Variants in PCDHGA5 observed in about 807,000 individuals in gnomAD.
PCDHGA5 encodes the protein protocadherin gamma subfamily A, 5.
PCDHGA5 carries 36 observed loss-of-function variants against 56.7 expected under a neutral mutation model. The observed-to-expected ratio is 0.64, with a 90% confidence interval of 0.49 to 0.84. The LOEUF is 0.84. PCDHGA5 is among the 40% of genes least tolerant of loss of function. PCDHGA5 has a pLI of 0.00. For synonymous variants in PCDHGA5, 563 were observed against 520.2 expected (o/e 1.08, Z -1.12); for missense variants, 1,305 against 1,201.5 (o/e 1.09, Z -1.27).
chr5:141,428,001 T>C (rs149531447), intron 1 of PCDHGA5: 1 of 1,601,704 alleles, frequency 6.2e-7, no homozygotes, highest in Admixed American at 1.7e-5. Flanking sequence ...CTCCGCACTC[T>C]TCGATATAGT....
rs1317308437 is a variant in PCDHGA5, at chr5:141,418,492, A to G, written c.2421+51741A>G. The G allele has an allele frequency of 1.9e-6, 3 of 1,613,886 alleles. No homozygotes were observed. The African/African-American group carries it at 4.0e-5, about 22-fold the overall frequency. On this transcript the variant is annotated intron_variant, in intron 1 of 3. Coordinates refer to ENST00000518069, the MANE Select transcript of PCDHGA5 (RefSeq NM_018918.3). ...AAACGCAGAGCGCTCACCACTTGGT[A>G]CTGACCGCCTTAGATGGTGGGGACC... is the stretch of plus-strand genomic sequence containing the variant.
In PCDHGA5 at chr5:141,434,915, T is replaced by A. The variant is rs1301814716; in HGVS notation, c.2422-59892T>A. Among the ~76,000 whole-genome samples, 3 of 151,830 alleles carry A rather than the reference T, an allele frequency of 2.0e-5. No homozygotes were observed. The East Asian group carries it at 5.8e-4, about 29-fold the overall frequency. ...GTCCCCTTCCCTCATACCTTATTTATGTACATATATTTTATATAATAGATA... is the reference window on the plus strand; with the variant it reads ...GTCCCCTTCCCTCATACCTTATTTAAGTACATATATTTTATATAATAGATA... On this transcript the variant is annotated intron_variant, in intron 1 of 3. Transcript: ENST00000518069.
At chr5:141,394,243 A>G (rs2092952699) in intron 1 of PCDHGA5, 2 of 1,613,844 alleles carry the variant, frequency 1.2e-6, no homozygotes, top group East Asian at 4.5e-5. Context: ...TTGACTGCAC[A>G]CGACCCCGAC....
At chr5:141,467,060 T>C (rs1304506319) in intron 1 of PCDHGA5, among the ~76,000 whole-genome samples, 1 of 151,520 alleles carries the variant, frequency 6.6e-6, no homozygotes, top group Non-Finnish European at 1.5e-5. Context: ...GTTTTCTTTT[T>C]TTTTTTTTTT....
rs1464357405 is a variant in PCDHGA5 at position 141,476,385 on chromosome 5, A to G, written c.2422-18422A>G. On this transcript the variant is annotated intron_variant, in intron 1 of 3. Coordinates refer to ENST00000518069, the MANE Select transcript of PCDHGA5 (RefSeq NM_018918.3). The surrounding 1 kb of genome is among the most constrained non-coding windows in gnomAD (Gnocchi z 7.6). ...GAGACCGGAGAGATGTTTGTGAACG[A>G]CCGTCTGGATCGAGAGGAGCTGTGT... The G allele has an allele frequency of 4.3e-6, 7 of 1,614,062 alleles. No homozygotes were observed. The highest frequency in any genetic ancestry group is 5.9e-6 in the Non-Finnish European group (7 of 1,180,020).
intron 1 of PCDHGA5, chr5:141,421,806 A>G: frequency 6.2e-7 from 1 of 1,613,842 alleles, no homozygotes; most frequent in Non-Finnish European, 8.5e-7. Context: ...CCAAGAATCC[A>G]GAGCTAGTAC....
chr5:141,371,769 G>C lies in PCDHGA5; in HGVS notation c.2421+5018G>C, dbSNP rs755229487. Reference sequence around the variant, plus strand: ...CGTTTTCCACCAGGCCTCCTACACCGTGCATGTAGCTGAGAACAATCCGCC... The same window carrying C: ...CGTTTTCCACCAGGCCTCCTACACCCTGCATGTAGCTGAGAACAATCCGCC... On this transcript the variant is annotated intron_variant, in intron 1 of 3. Transcript: ENST00000518069. 43 of 1,613,880 alleles carry C rather than the reference G, an allele frequency of 2.7e-5. No individual in the cohort carries two copies. Among genetic ancestry groups the C allele is most frequent in the Admixed American group, 6.7e-5 (4 of 60,016 alleles).
Position 141,476,676 on chromosome 5 carries a change from G to T in PCDHGA5, c.2422-18131G>T. 1.2e-6 allele frequency: 2 copies of T among 1,614,222 alleles called. No individual in the cohort carries two copies. The highest frequency in any genetic ancestry group is 1.7e-6 in the Non-Finnish European group (2 of 1,180,054). ...TACTTTGCGCTTCGCGTGCAGACGC[G>T]GGAGGACAGCACCAAGTACGCGGAG... On this transcript the variant is annotated intron_variant, in intron 1 of 3. Transcript: ENST00000518069. The surrounding 1 kb of genome is among the most constrained non-coding windows in gnomAD (Gnocchi z 7.6).
chr5:141,395,162 G>C, intron 1 of PCDHGA5: 1 of 1,614,148 alleles, frequency 6.2e-7, no homozygotes, highest in Non-Finnish European at 8.5e-7. Flanking sequence ...TCAGTCAGGA[G>C]GGCTGTGAGA....
intron 1 of PCDHGA5, among the ~76,000 whole-genome samples, chr5:141,458,436 C>T (rs2098945707): frequency 6.6e-6 from 1 of 152,056 alleles, no homozygotes; most frequent in Non-Finnish European, 1.5e-5. Context: ...AAGAGGAGGT[C>T]CCCCACATTA....
intron 1 of PCDHGA5, chr5:141,376,224 T>A: frequency 6.2e-7 from 1 of 1,614,156 alleles, no homozygotes; most frequent in Admixed American, 1.7e-5. Flanking sequence ...CTGCTGGCGC[T>A]CAGACTGCAG....
intron 1 of PCDHGA5, among the ~76,000 whole-genome samples, chr5:141,438,587 CATACATATATATATATATATATATATAT>C (rs1267620600): frequency 1.4e-5 from 1 of 73,428 alleles, no homozygotes; most frequent in Non-Finnish European, 2.6e-5. Context: ...TACATACATA[CATACATATATATATATATATATATATAT>C]ATATATATAT....
chr5:141,389,607 A>G, intron 1 of PCDHGA5: 1 of 1,613,070 alleles, frequency 6.2e-7, no homozygotes, highest in Non-Finnish European at 8.5e-7. Context: ...GCTCTTCGAT[A>G]TGGTGCCGCA....
At position 141,485,632 on chromosome 5, in the gene PCDHGA5, G is replaced by C; in HGVS notation, c.2422-9175G>C. 6.2e-7 allele frequency: 1 copy of C among 1,611,766 alleles called. No individual in the cohort carries two copies. The highest frequency in any genetic ancestry group is 8.5e-7 in the Non-Finnish European group (1 of 1,178,342). ...CAGCTCCTCCAGGACAGCGTTTCCC[G>C]TTGGAAAAGGCTCAGGATGCAGATG... is the stretch of plus-strand genomic sequence containing the variant. On this transcript the variant is annotated intron_variant, in intron 1 of 3. Coordinates refer to ENST00000518069, the MANE Select transcript of PCDHGA5 (RefSeq NM_018918.3). This position sits in a 1 kb window ranked among gnomAD's most constrained non-coding sequence, Gnocchi z 5.7.
At chr5:141,372,766 A>G in intron 1 of PCDHGA5, 1 of 1,611,952 alleles carries the variant, frequency 6.2e-7, no homozygotes, top group Non-Finnish European at 8.5e-7. Flanking sequence ...TTTGAAAGTA[A>G]TGACAATCCA....
intron 1 of PCDHGA5, chr5:141,400,276 C>T: frequency 6.2e-7 from 1 of 1,614,048 alleles, no homozygotes; most frequent in Non-Finnish European, 8.5e-7. Flanking sequence ...CTCCTCCAGC[C>T]CTGCCGCCTG....
At chr5:141,408,076 A>C in intron 1 of PCDHGA5, 1 of 1,399,800 alleles carries the variant, frequency 7.1e-7, no homozygotes. Flanking sequence ...GACCTTTCCC[A>C]GCACAGCGGA....
chr5:141,486,617 C>A lies in PCDHGA5; in HGVS notation c.2422-8190C>A. On this transcript the variant is annotated intron_variant, in intron 1 of 3. Coordinates refer to ENST00000518069, the MANE Select transcript of PCDHGA5 (RefSeq NM_018918.3). The surrounding 1 kb of genome is among the most constrained non-coding windows in gnomAD (Gnocchi z 5.0). The stretch of plus-strand genomic sequence containing the variant: ...GCTTTGCTCCCTTGCAGCCTCTGAC[C>A]CAGACTCTGGCTTGAATGCGCTTAT... The A allele has an allele frequency of 1.2e-6, 2 of 1,613,602 alleles. No homozygotes were observed. The highest frequency in any genetic ancestry group is 2.2e-5 in the East Asian group (1 of 44,874).
intron 2 of PCDHGA5, among the ~76,000 whole-genome samples, chr5:141,505,066 G>A (rs1312509903): frequency 6.6e-6 from 1 of 152,190 alleles, no homozygotes; most frequent in Non-Finnish European, 1.5e-5. Flanking sequence ...GGAGACTGAG[G>A]CAGGAGAATC....
Sources: gnomAD v4.1 joint callset for allele counts (sites outside exome capture counted in the v4.1 genomes callset) on GRCh38, gnomAD v4.1.1 for gene constraint, Gnocchi (gnomAD v3.1) non-coding constraint, MANE v1.5 for transcripts, NCBI Gene and HGNC (gene_info 2026-07-23, HGNC 2026-07-21) for gene names.